Variants in KCNAB1 observed in about 807,000 individuals in gnomAD.
KCNAB1 encodes the protein potassium voltage-gated channel subfamily A regulatory beta subunit 1.
Under a neutral mutation model 64.6 loss-of-function variants are expected in KCNAB1, and 35 were observed. The observed-to-expected ratio is 0.54, with a 90% CI of 0.41 to 0.72. KCNAB1 has a LOEUF of 0.72. Among genes scored for constraint, KCNAB1 ranks in the 30% least tolerant of loss-of-function variants. KCNAB1 has a pLI of 0.00. For synonymous variants in KCNAB1, 177 were observed against 183.8 expected (o/e 0.96, Z 0.30); for missense variants, 401 against 512.9 (o/e 0.78, Z 2.11).
At chr3:156,220,038 G>A (rs1345662257) in intron 1 of KCNAB1, among the ~76,000 whole-genome samples, 3 of 152,106 alleles carry the variant, frequency 2.0e-5, no homozygotes, top group South Asian at 2.1e-4. Flanking sequence ...CCCTGCAAAG[G>A]ACATGAACTC....
chr3:156,410,556 C>A (rs1714575864), intron 1 of KCNAB1, among the ~76,000 whole-genome samples: 1 of 152,122 alleles, frequency 6.6e-6, no homozygotes, highest in Non-Finnish European at 1.5e-5. Flanking sequence ...TTAATAAATG[C>A]ACAAAGTCAT....
intron 11 of KCNAB1, among the ~76,000 whole-genome samples, chr3:156,522,466 T>C (rs1718014924): frequency 6.6e-6 from 1 of 152,080 alleles, no homozygotes; most frequent in Admixed American, 6.5e-5. Context: ...GGAGAGATGC[T>C]CCAGGCCACT....
chr3:156,531,475 T>C lies in KCNAB1; in HGVS notation c.1148T>C (p.Ile383Thr), dbSNP rs746667100. ...GGATCATCCACTCCTGAACAACTCA[T>C]TGAAAACCTTGGTGCCATTCAGGCA... is the stretch of plus-strand genomic sequence containing the variant. ...LLGSSTPEQLIENLGAIQVLP... is the reference protein window; with the variant it reads ...LLGSSTPEQLTENLGAIQVLP... The change falls in exon 13 of 14, where the codon ATT becomes ACT. Residue 383 changes from isoleucine to threonine, a missense_variant. Ile to Thr is a moderately conservative substitution (Grantham distance 89). Transcript: ENST00000490337. 4.3e-6 allele frequency: 7 copies of C among 1,613,726 alleles called. No homozygotes were observed. The highest frequency in any genetic ancestry group is 1.3e-5 in the African/African-American group (1 of 74,894).
At chr3:156,128,501 G>A (rs146151009) in intron 1 of KCNAB1, among the ~76,000 whole-genome samples, 213 of 152,320 alleles carry the variant, frequency 1.4e-3, no homozygotes, top group African/African-American at 4.9e-3. Flanking sequence ...AGGAGACAGA[G>A]TAACACAAAT....
At chr3:156,478,910 A>G (rs965432692) in intron 8 of KCNAB1, among the ~76,000 whole-genome samples, 1 of 152,136 alleles carries the variant, frequency 6.6e-6, no homozygotes, top group Admixed American at 6.5e-5. Flanking sequence ...TAAATTCCAA[A>G]GGTGCAATCA....
intron 1 of KCNAB1, among the ~76,000 whole-genome samples, chr3:156,274,444 C>T (rs1031632691): frequency 6.6e-6 from 1 of 152,092 alleles, no homozygotes; most frequent in Admixed American, 6.5e-5. Context: ...ATTTGACTTA[C>T]AAGAGTAATT....
chr3:156,143,573 T>TTTGG (rs1358600286), intron 1 of KCNAB1, among the ~76,000 whole-genome samples: 1 of 25,748 alleles, frequency 3.9e-5, no homozygotes, highest in African/African-American at 1.2e-4. Flanking sequence ...ATTCTTGTTT[T>TTTGG]TTTTTTTTTT....
At chr3:156,120,495 G>C (rs1032133354), upstream of KCNAB1, 2 of 1,169,082 alleles carry the variant, frequency 1.7e-6, no homozygotes, top group African/African-American at 3.1e-5. Flanking sequence ...CTTTGTGGCA[G>C]GATAAGGTTA....
At chr3:156,224,814 A>G (rs1460418518) in intron 1 of KCNAB1, among the ~76,000 whole-genome samples, 6 of 152,252 alleles carry the variant, frequency 3.9e-5, no homozygotes, top group Non-Finnish European at 5.9e-5. Flanking sequence ...CATAAACTAG[A>G]AAACCTAGAG....
At chr3:156,123,556 C>T (rs926884602) in intron 1 of KCNAB1, among the ~76,000 whole-genome samples, 17 of 152,236 alleles carry the variant, frequency 1.1e-4, no homozygotes, top group Admixed American at 6.5e-4. Flanking sequence ...AGGGAATGCA[C>T]ATTAGGTTTG....
intron 1 of KCNAB1, among the ~76,000 whole-genome samples, chr3:156,266,748 A>G (rs1718743637): frequency 6.6e-6 from 1 of 152,210 alleles, no homozygotes; most frequent in South Asian, 2.1e-4. Flanking sequence ...TCAGTTACAC[A>G]GTGATGTGAC....
intron 1 of KCNAB1, among the ~76,000 whole-genome samples, chr3:156,363,632 C>T (rs1314179448): frequency 2.0e-5 from 3 of 152,216 alleles, no homozygotes; most frequent in South Asian, 2.1e-4. Context: ...CACACCACCA[C>T]ACCCGGCTAA....
chr3:156,239,342 A>AGT (rs1717035449), intron 1 of KCNAB1, among the ~76,000 whole-genome samples: 1 of 152,204 alleles, frequency 6.6e-6, no homozygotes, highest in African/African-American at 2.4e-5. Context: ...ACTCAAAGGT[A>AGT]GTAGTTTGTA....
chr3:156,242,712 C>G (rs1242728092), intron 1 of KCNAB1, among the ~76,000 whole-genome samples: 1 of 151,126 alleles, frequency 6.6e-6, no homozygotes, highest in Non-Finnish European at 1.5e-5. Flanking sequence ...TTTCTCTTAA[C>G]TCTAAATAAA....
chr3:156,210,330 G>T (rs1714937809), intron 1 of KCNAB1, among the ~76,000 whole-genome samples: 1 of 152,132 alleles, frequency 6.6e-6, no homozygotes, highest in South Asian at 2.1e-4. Flanking sequence ...AGATATGAAT[G>T]TATACAGATC....
At chr3:156,143,569 G>GTTTTTTTGTTTTTT (rs1553807970) in intron 1 of KCNAB1, 6 of 297,046 alleles carry the variant, frequency 2.0e-5, no homozygotes, top group Non-Finnish European at 2.9e-5. Context: ...TTGCATTCTT[G>GTTTTTTTGTTTTTT]TTTTTTTTTT....
In KCNAB1 at chr3:156,417,488, G is replaced by A. The variant is rs1355341291; in HGVS notation, c.276-4128G>A. Among the ~76,000 whole-genome samples the A allele has an allele frequency of 2.0e-5, 3 of 152,182 alleles. No individual in the cohort carries two copies. In the East Asian group the frequency reaches 5.8e-4, roughly 29 times the overall value. ...GCATATGCTTCTTGCTTGGTCAAAT[G>A]CAAGGCACATATTTTTGCAAGCTAC... On this transcript the variant is annotated intron_variant, in intron 1 of 13. Coordinates refer to ENST00000490337, the MANE Select transcript of KCNAB1 (RefSeq NM_172160.3).
chr3:156,345,998 T>C (rs7613022), intron 1 of KCNAB1, among the ~76,000 whole-genome samples: 23,775 of 152,038 alleles, frequency 0.16, 4,642 homozygotes, highest in African/African-American at 0.46. Context: ...GAGTACAAGC[T>C]TAAATTAGAT....
rs184415491 is a variant in KCNAB1, at chr3:156,165,350, T to C, written c.275+44464T>C. Among the ~76,000 whole-genome samples, 607 of 144,450 alleles carry C rather than the reference T, an allele frequency of 4.2e-3. 7 individuals are homozygous for C. The highest frequency in any genetic ancestry group is 0.019 in the South Asian group (82 of 4,308). 94.8% of individuals were successfully genotyped at this position (144,450 alleles called of 152,430 possible). A position where few individuals can be genotyped will look rare whatever the true frequency, so the allele number is the denominator to read the frequency against. On this transcript the variant is annotated intron_variant, in intron 1 of 13. Transcript: ENST00000490337. ...GAGCATTATACTGTAAACTGGACTA[T>C]AAACAGAAACGGAGTGGTGAGTTTG...
Sources: gnomAD v4.1 joint callset for allele counts (sites outside exome capture counted in the v4.1 genomes callset) on GRCh38, gnomAD v4.1.1 for gene constraint, MANE v1.5 for transcripts, NCBI Gene and HGNC (gene_info 2026-07-23, HGNC 2026-07-21) for gene names.